The following THAP1 variants were observed in gnomAD, a reference collection of about 807,000 sequenced individuals.
THAP1 encodes THAP domain containing 1.
Under a neutral mutation model 18.2 loss-of-function variants are expected in THAP1, and 6 were observed. The observed-to-expected ratio is 0.33, with a 90% CI of 0.18 to 0.65. The LOEUF (loss-of-function observed/expected upper bound fraction) is 0.65, where lower values mean the gene tolerates loss of function less well. Among genes scored for constraint, THAP1 ranks in the 30% least tolerant of loss-of-function variants. THAP1 has a pLI of 0.74. For missense variants in THAP1, 176 were observed against 253.0 expected (o/e 0.70, Z 2.06); for synonymous variants, 85 against 90.5 (o/e 0.94, Z 0.34).
chr8:42,843,019 C>G lies in THAP1; in HGVS notation c.71+5G>C, dbSNP rs916906632. 1.2e-6 allele frequency: 2 copies of G among 1,612,822 alleles called. No homozygotes were observed. Among genetic ancestry groups the G allele is most frequent in the Non-Finnish European group, 1.7e-6 (2 of 1,179,320 alleles). On this transcript the variant is annotated splice_donor_5th_base_variant and intron_variant, in intron 1 of 2. Transcript: ENST00000254250. ...CCGGCCCCGCGAGGCGCGCAGGGTCCTCACTTGTGGAAAGAAACGGGCTTG... is the reference window on the plus strand; with the variant it reads ...CCGGCCCCGCGAGGCGCGCAGGGTCGTCACTTGTGGAAAGAAACGGGCTTG...
intron 1 of THAP1, among the ~76,000 whole-genome samples, chr8:42,840,577 T>C (rs975046263): frequency 3.3e-5 from 5 of 152,206 alleles, no homozygotes; most frequent in African/African-American, 1.2e-4. Flanking sequence ...CTGACTCTGC[T>C]AGTAAGAGAT....
chr8:42,839,143 T>G, intron 2 of THAP1, 43 bp downstream of exon 2: 2 of 1,604,620 alleles, frequency 1.2e-6, no homozygotes, highest in Non-Finnish European at 1.7e-6. Context: ...ACACATCAGT[T>G]TGATAAACAA....
At chr8:42,840,329 A>C (rs189660984) in intron 1 of THAP1, among the ~76,000 whole-genome samples, 146 of 152,338 alleles carry the variant, frequency 9.6e-4, no homozygotes, top group African/African-American at 3.4e-3. Context: ...CAGTCTGACA[A>C]ATATGAATAG....
At chr8:42,840,290 G>A (rs73634664) in intron 1 of THAP1, among the ~76,000 whole-genome samples, 2,247 of 152,266 alleles carry the variant, frequency 0.015, 43 homozygotes, top group African/African-American at 0.032. Context: ...TGCGTACTGG[G>A]AAAAAGGGGC....
At chr8:42,842,995 C>G (rs1451256835) in intron 1 of THAP1, 29 bp downstream of exon 1, 1 of 1,595,118 alleles carries the variant, frequency 6.3e-7, no homozygotes, top group African/African-American at 1.4e-5. Flanking sequence ...CGGCTGAGAC[C>G]GGCCCCGCGA....
Position 42,837,610 on chromosome 8 carries a change from C to G in THAP1, c.*352G>C, listed in dbSNP as rs1802638696. 6.2e-6 allele frequency: 1 copy of G among 160,738 alleles called. No homozygotes were observed. The highest frequency in any genetic ancestry group is 6.4e-5 in the Admixed American group (1 of 15,582). The allele number at this position is 160,738 out of a possible 1,614,324, so 10.0% of individuals were successfully genotyped here. A position where few individuals can be genotyped will look rare whatever the true frequency, so the allele number is the denominator to read the frequency against. On this transcript the variant is annotated 3_prime_UTR_variant, in exon 3 of 3. Transcript: ENST00000254250. ...AACAGTACTAATTTTAAGTTTTAAA[C>G]TGAAATCACCCTTTTACCACACTGT...
chr8:42,842,708 C>A (rs112538292), intron 1 of THAP1: 2,196 of 169,234 alleles, frequency 0.013, 52 homozygotes, highest in African/African-American at 0.051. Context: ...TGCTCTGTGA[C>A]CCTGGTGGTG....
At chr8:42,842,367 T>G (rs1239677603) in intron 1 of THAP1, 6 of 152,240 alleles carry the variant, frequency 3.9e-5, no homozygotes, top group Admixed American at 2.6e-4. Flanking sequence ...GCTTTCTCTA[T>G]GCACAGGTAA....
intron 2 of THAP1, 152 bp downstream of exon 2, chr8:42,839,034 G>T: frequency 2.5e-6 from 2 of 816,040 alleles, no homozygotes; most frequent in Non-Finnish European, 4.0e-6. Flanking sequence ...TTAATAAACT[G>T]CATTTTGTGT....
At chr8:42,841,051 A>T (rs1319075944) in intron 1 of THAP1, among the ~76,000 whole-genome samples, 5 of 151,858 alleles carry the variant, frequency 3.3e-5, no homozygotes, top group Non-Finnish European at 7.4e-5. Context: ...TGCTGGTAAA[A>T]TTCAGTACCT....
intron 1 of THAP1, chr8:42,842,485 T>C (rs1386595716): frequency 7.2e-5 from 11 of 152,332 alleles, no homozygotes; most frequent in East Asian, 3.9e-4. Context: ...ATCTCGGCAG[T>C]ACCTGAAGCT....
intron 1 of THAP1, among the ~76,000 whole-genome samples, chr8:42,841,392 C>T (rs996719009): frequency 6.7e-6 from 1 of 149,916 alleles, no homozygotes; most frequent in Non-Finnish European, 1.5e-5. Context: ...CCTCCATATC[C>T]CAGGTTCAAG....
chr8:42,841,162 T>G (rs992199561), intron 1 of THAP1, among the ~76,000 whole-genome samples: 1 of 152,044 alleles, frequency 6.6e-6, no homozygotes, highest in African/African-American at 2.4e-5. Context: ...TACAGCTGTT[T>G]GTGAGATTCT....
chr8:42,841,472 A>G (rs978100950), intron 1 of THAP1, among the ~76,000 whole-genome samples: 1 of 151,898 alleles, frequency 6.6e-6, no homozygotes, highest in Non-Finnish European at 1.5e-5. Context: ...TATTTTTAGT[A>G]GAGACGGGAT....
chr8:42,842,995 C>T (rs1451256835), intron 1 of THAP1, 29 bp downstream of exon 1: 1 of 1,595,232 alleles, frequency 6.3e-7, no homozygotes, highest in Non-Finnish European at 8.6e-7. Flanking sequence ...CGGCTGAGAC[C>T]GGCCCCGCGA....
chr8:42,843,295 C>G lies in THAP1; in HGVS notation c.-201G>C. 1.6e-6 allele frequency: 1 copy of G among 644,168 alleles called. No individual in the cohort carries two copies. 39.9% of individuals were successfully genotyped at this position (644,168 alleles called of 1,614,324 possible). The stretch of plus-strand genomic sequence containing the variant: ...CAGAAGGACCACAGCCATCGCCCGT[C>G]TCCCATCTCCAAGATGGCGGAGGCA... On this transcript the variant is annotated 5_prime_UTR_variant, in exon 1 of 3. Coordinates refer to ENST00000254250, the MANE Select transcript of THAP1 (RefSeq NM_018105.3).
At chr8:42,840,738 G>A (rs1361857645) in intron 1 of THAP1, among the ~76,000 whole-genome samples, 1 of 152,182 alleles carries the variant, frequency 6.6e-6, no homozygotes, top group Non-Finnish European at 1.5e-5. Context: ...GGAGGCTGAG[G>A]AGGGCGGATC....
intron 1 of THAP1, among the ~76,000 whole-genome samples, chr8:42,841,464 T>C (rs1298027647): frequency 6.6e-6 from 1 of 152,102 alleles, no homozygotes; most frequent in Non-Finnish European, 1.5e-5. Context: ...GTATTTTGTA[T>C]TTTTAGTAGA....
At position 42,838,331 on chromosome 8, in the gene THAP1, T is replaced by C. The variant is rs1173341024; in HGVS notation, c.273A>G (p.Glu91=). ...GCTGTTCCTGTGGCTCCAGAAGATC[T>C]TCTTTCTAAAACAAAAATACAAAGT... is the stretch of plus-strand genomic sequence containing the variant. ...FLCTEPHDKK[E]DLLEPQEQLP... is the part of the protein sequence containing the mutation. The change falls in exon 3 of 3, where the codon GAA becomes GAG. Residue 91 remains glutamate (E), a synonymous_variant. Coordinates refer to ENST00000254250, the MANE Select transcript of THAP1 (RefSeq NM_018105.3). 1.2e-6 allele frequency: 2 copies of C among 1,613,624 alleles called. No individual in the cohort carries two copies. Among genetic ancestry groups the C allele is most frequent in the Non-Finnish European group, 1.7e-6 (2 of 1,179,892 alleles).
Sources: allele counts gnomAD v4.1 joint callset (sites outside exome capture counted in the v4.1 genomes callset), GRCh38; gene constraint gnomAD v4.1.1; transcripts MANE v1.5; gene names NCBI Gene and HGNC (gene_info 2026-07-23, HGNC 2026-07-21).